MUC5AC: variants seen among roughly 807,000 people sequenced by gnomAD.
MUC5AC encodes the protein mucin 5AC, oligomeric mucus/gel-forming, also known as mucin-5AC.
In MUC5AC, 158 loss-of-function variants were observed where a neutral mutation model predicts 169.7. The ratio of observed to expected loss-of-function variants is 0.93; its 90% CI spans 0.82 to 1.06. The LOEUF is 1.06. MUC5AC is among the 50% of genes least tolerant of loss of function. The pLI is 0.00. For synonymous variants in MUC5AC, 1,975 were observed against 1,237.0 expected, an observed-to-expected ratio of 1.60 and a Z score of -12.52; for missense variants, 4,359 against 3,089.9, an observed-to-expected ratio of 1.41 and a Z score of -9.74.
At chr11:1,168,818 C>G (rs1429733279) in intron 14 of MUC5AC, 39 bp downstream of exon 14, 2 of 1,578,600 alleles carry the variant, frequency 1.3e-6, no homozygotes, top group South Asian at 1.1e-5. Flanking sequence ...CCCACCCACT[C>G]TGGCCAGGGC....
rs2133758247 is a variant in MUC5AC, at chr11:1,186,289, G to A, written c.8144G>A (p.Ser2715Asn). The A allele has an allele frequency of 4.1e-6, 3 of 733,272 alleles. No homozygotes were observed. Among genetic ancestry groups the A allele is most frequent in the South Asian group, 1.4e-5 (1 of 70,474 alleles). 45.4% of individuals were successfully genotyped at this position (733,272 alleles called of 1,614,324 possible). ...TTSTTSAPTT[S>N]TTSAPTTSTI... ...AGCACAACCTCTGCTCCCACAACAA[G>A]CACAACCTCTGCCCCTACAACCAGC... is the stretch of plus-strand genomic sequence containing the variant. Residue 2715 changes from serine (S) to asparagine (N), a missense_variant, in exon 31 of 49, where the codon AGC becomes AAC. Transcript: ENST00000621226.
At chr11:1,178,778 G>A in intron 25 of MUC5AC, 95 bp downstream of exon 25, 1 of 632,202 alleles carries the variant, frequency 1.6e-6, no homozygotes, top group Non-Finnish European at 2.3e-6. Context: ...CTGGGAGACA[G>A]CTGCCAACCA....
chr11:1,195,003 T>C lies in MUC5AC; in HGVS notation c.15191-9T>C, dbSNP rs1407460934. 1 of 725,256 alleles carries C rather than the reference T, an allele frequency of 1.4e-6. No individual in the cohort carries two copies. Among genetic ancestry groups the C allele is most frequent in the Admixed American group, 1.8e-5 (1 of 54,240 alleles). 44.9% of individuals were successfully genotyped at this position (725,256 alleles called of 1,614,324 possible). A position where few individuals can be genotyped will look rare whatever the true frequency, so the allele number is the denominator to read the frequency against. ...GTCCAGCAGCCTGACCCCCACCGCGTCTGCCCAGGCACTTGCACCAACGAC... is the reference window on the plus strand; with the variant it reads ...GTCCAGCAGCCTGACCCCCACCGCGCCTGCCCAGGCACTTGCACCAACGAC... On this transcript the variant is annotated splice_polypyrimidine_tract_variant and intron_variant, in intron 35 of 48. Coordinates refer to ENST00000621226, the MANE Select transcript of MUC5AC (RefSeq NM_001304359.2).
rs558086915 is a variant in MUC5AC, at chr11:1,158,112, G to A, written c.73+40G>A. On this transcript the variant is annotated intron_variant, in intron 1 of 48. Transcript: ENST00000621226. Reference sequence around the variant, plus strand: ...CTGGCCGCTCTACTGGTCCTGGGTGGTGCGGTACTGAGTGGGCCTCAGGCA... The same window carrying A: ...CTGGCCGCTCTACTGGTCCTGGGTGATGCGGTACTGAGTGGGCCTCAGGCA... The A allele has an allele frequency of 2.6e-6, 4 of 1,545,046 alleles. No individual in the cohort carries two copies. In the Admixed American group the frequency reaches 5.6e-5, roughly 21 times the overall value.
rs909027623 is a variant in MUC5AC, at chr11:1,200,738, C to A, written c.*36C>A. 1 of 693,436 alleles carries A rather than the reference C, an allele frequency of 1.4e-6. No individual in the cohort carries two copies. Among genetic ancestry groups the A allele is most frequent in the African/African-American group, 1.7e-5 (1 of 57,502 alleles). The allele number at this position is 693,436 out of a possible 1,614,324, so 43.0% of individuals were successfully genotyped here. On this transcript the variant is annotated 3_prime_UTR_variant, in exon 49 of 49. Coordinates refer to ENST00000621226, the MANE Select transcript of MUC5AC (RefSeq NM_001304359.2). ...CGCCCTCCTGACCTCCAAGGAGAAC[C>A]TCCCATATGTCCTCTGAGCTCGGCT... is the stretch of plus-strand genomic sequence containing the variant.
chr11:1,186,008 C>A lies in MUC5AC; in HGVS notation c.7863C>A (p.Thr2621=). ...STNSAPISST[T]SATTTSRISG... ...ACTCTGCCCCTATAAGCAGCACAAC[C>A]TCTGCCACTACAACCAGCAGAATCT... Residue 2621 remains threonine, a synonymous_variant, in exon 31 of 49, where the codon ACC becomes ACA. Transcript: ENST00000621226. 1 of 728,206 alleles carries A rather than the reference C, an allele frequency of 1.4e-6. No homozygotes were observed. Among genetic ancestry groups the A allele is most frequent in the Middle Eastern group, 2.3e-4 (1 of 4,388 alleles). The allele number at this position is 728,206 out of a possible 1,614,324, so 45.1% of individuals were successfully genotyped here. A position where few individuals can be genotyped will look rare whatever the true frequency, so the allele number is the denominator to read the frequency against.
intron 45 of MUC5AC, 89 bp downstream of exon 45, chr11:1,199,274 A>G (rs1590155565): frequency 1.4e-5 from 10 of 699,640 alleles, no homozygotes; most frequent in Non-Finnish European, 2.6e-6. Flanking sequence ...TGCGTCTGGC[A>G]GAGGCTGGGG....
chr11:1,163,018 C>A lies in MUC5AC; in HGVS notation c.652C>A (p.Pro218Thr). 6.2e-7 allele frequency: 1 copy of A among 1,612,640 alleles called. No homozygotes were observed. Among genetic ancestry groups the A allele is most frequent in the Non-Finnish European group, 8.5e-7 (1 of 1,179,826 alleles). The change falls in exon 6 of 49, where the codon CCC becomes ACC. Residue 218 changes from proline (P) to threonine (T), a missense_variant. Transcript: ENST00000621226. The stretch of plus-strand genomic sequence containing the variant: ...GCTCTGTGGGGACTTCAACGGGATG[C>A]CCGTGGTCAGCGAGCTCCTCTCCCA... ...CGLCGDFNGM[P>T]VVSELLSHNT...
rs758430072 is a variant in MUC5AC, at chr11:1,198,969, C to T, written c.16269C>T (p.Thr5423=). The T allele has an allele frequency of 1.4e-5, 11 of 764,336 alleles. No individual in the cohort carries two copies. In the South Asian group the frequency reaches 1.5e-4, roughly 10 times the overall value. 47.3% of individuals were successfully genotyped at this position (764,336 alleles called of 1,614,324 possible). The change falls in exon 44 of 49, where the codon ACC becomes ACT. Residue 5423 remains threonine, a synonymous_variant. Coordinates refer to ENST00000621226, the MANE Select transcript of MUC5AC (RefSeq NM_001304359.2). ...PSDAFVVSCE[T]QICNTHCPVG... The stretch of plus-strand genomic sequence containing the variant: ...ACGCGTTTGTGGTCAGCTGTGAGAC[C>T]CAGATCTGCAACACACACTGCCCTG...
At chr11:1,200,215 G>A (rs1050767082) in intron 48 of MUC5AC, among the ~76,000 whole-genome samples, 3 of 152,236 alleles carry the variant, frequency 2.0e-5, no homozygotes, top group African/African-American at 4.8e-5. Context: ...TGCCGCAGCC[G>A]CCCCGAGTCT....
rs1472891778 is a variant in MUC5AC at position 1,199,491 on chromosome 11, G to A, written c.16515+1G>A. 5 of 708,996 alleles carry A rather than the reference G, an allele frequency of 7.1e-6. No homozygotes were observed. The highest frequency in any genetic ancestry group is 1.0e-5 in the Non-Finnish European group (4 of 388,712). 43.9% of individuals were successfully genotyped at this position (708,996 alleles called of 1,614,324 possible). A position where few individuals can be genotyped will look rare whatever the true frequency, so the allele number is the denominator to read the frequency against. ...GTGCCCCCCGCTCAGCTGTTCTCTGGTGAGGTCCAGGATCCCCGCTCCAGC... is the reference window on the plus strand; with the variant it reads ...GTGCCCCCCGCTCAGCTGTTCTCTGATGAGGTCCAGGATCCCCGCTCCAGC... On this transcript the variant is annotated splice_donor_variant, in intron 46 of 48. Coordinates refer to ENST00000621226, the MANE Select transcript of MUC5AC (RefSeq NM_001304359.2). LOFTEE classifies it high-confidence loss of function.
chr11:1,170,373 G>A (rs1179257653), intron 15 of MUC5AC, among the ~76,000 whole-genome samples: 12 of 70,826 alleles, frequency 1.7e-4, no homozygotes, highest in African/African-American at 4.6e-4. Flanking sequence ...CCTCACTCAC[G>A]CGCCCACTCA....
At chr11:1,175,829 A>C (rs1860666942) in intron 19 of MUC5AC, among the ~76,000 whole-genome samples, 1 of 816 alleles carries the variant, frequency 1.2e-3, no homozygotes, top group East Asian at 0.026. Flanking sequence ...ACACCCACTC[A>C]TGCACACGCA....
At position 1,191,775 on chromosome 11, in the gene MUC5AC, T is replaced by A. The variant is rs75897537; in HGVS notation, c.13630T>A (p.Ser4544Thr). 8.9e-5 allele frequency: 62 copies of A among 697,320 alleles called. 2 individuals carry two copies. In the African/African-American group the frequency reaches 1.1e-3, roughly 12 times the overall value. 43.2% of individuals were successfully genotyped at this position (697,320 alleles called of 1,614,324 possible). The change falls in exon 31 of 49, where the codon TCT (serine) becomes ACT (threonine). Residue 4544 changes from serine (S) to threonine (T), a missense_variant. Transcript: ENST00000621226. ...CAGCACAACCTCTGGTCCTGGAACT[T>A]CTCTCAGCCCTGTTCCCACCACGAG... ...TASTTSGPGT[S>T]LSPVPTTSTT...
At position 1,169,443 on chromosome 11, in the gene MUC5AC, CCACT is replaced by C. The variant is rs1430842366; in HGVS notation, c.1870+429_1870+432del. 3.4e-5 allele frequency among the ~76,000 whole-genome samples: 4 copies of C among 115,982 alleles called. 1 individual carries two copies. The highest frequency in any genetic ancestry group is 1.1e-4 in the African/African-American group (3 of 26,882). The allele number at this position is 115,982 out of a possible 152,430, so 76.1% of individuals were successfully genotyped here. A position where few individuals can be genotyped will look rare whatever the true frequency, so the allele number is the denominator to read the frequency against. ...TCGCCCACTCACCTCACTCACTCAC[CCACT>C]CACTCACTCACCTCACTCACTCACC... is the stretch of plus-strand genomic sequence containing the variant. On this transcript the variant is annotated intron_variant, in intron 15 of 48. Coordinates refer to ENST00000621226, the MANE Select transcript of MUC5AC (RefSeq NM_001304359.2).
chr11:1,196,036 C>G lies in MUC5AC; in HGVS notation c.15619C>G (p.Arg5207Gly). 1.3e-6 allele frequency: 1 copy of G among 764,570 alleles called. No homozygotes were observed. The highest frequency in any genetic ancestry group is 1.3e-5 in the South Asian group (1 of 74,570). 47.4% of individuals were successfully genotyped at this position (764,570 alleles called of 1,614,324 possible). A position where few individuals can be genotyped will look rare whatever the true frequency, so the allele number is the denominator to read the frequency against. ...CGACATCTGCATCGATTGGAGAGGC[C>G]GGACCGGCCACATGTGCCGTGAGTG... ...SHDICIDWRG[R>G]TGHMCPFTCP... Residue 5207 changes from arginine (R) to glycine (G), a missense_variant, in exon 37 of 49, where the codon CGG (arginine) becomes GGG (glycine). Physicochemically the swap from Arg to Gly is moderately radical, Grantham distance 125. Coordinates refer to ENST00000621226, the MANE Select transcript of MUC5AC (RefSeq NM_001304359.2).
In MUC5AC at chr11:1,189,546, T is replaced by C; in HGVS notation, c.11401T>C (p.Ser3801Pro). The change falls in exon 31 of 49, where the codon TCC (serine) becomes CCC (proline). Residue 3801 changes from serine to proline, a missense_variant. Physicochemically the swap from Ser to Pro is moderately conservative, Grantham distance 74. Coordinates refer to ENST00000621226, the MANE Select transcript of MUC5AC (RefSeq NM_001304359.2). ...CTCTGCCCCTACAACCAGCACAACC[T>C]CCACTCCACAGACCAGCACAATCTC... ...TISAPTTSTT[S>P]TPQTSTISSP... 1.7e-6 allele frequency: 1 copy of C among 596,180 alleles called. No homozygotes were observed. The highest frequency in any genetic ancestry group is 3.0e-6 in the Non-Finnish European group (1 of 334,734). The allele number at this position is 596,180 out of a possible 1,614,324, so 36.9% of individuals were successfully genotyped here.
chr11:1,194,882 G>A (rs1861221206), intron 35 of MUC5AC, 130 bp from the exon 36 acceptor site: 2 of 620,632 alleles, frequency 3.2e-6, no homozygotes, highest in East Asian at 2.7e-5. Flanking sequence ...GGGGGACAGT[G>A]AGGCACAGGC....
Position 1,182,934 on chromosome 11 carries a change from A to G in MUC5AC, c.4789A>G (p.Ile1597Val), listed in dbSNP as rs1402742358. The G allele has an allele frequency of 2.5e-6, 1 of 398,488 alleles. No individual in the cohort carries two copies. Among genetic ancestry groups the G allele is most frequent in the African/African-American group, 2.1e-5 (1 of 48,548 alleles). The allele number at this position is 398,488 out of a possible 1,614,324, so 24.7% of individuals were successfully genotyped here. The change falls in exon 31 of 49, where the codon ATA (isoleucine) becomes GTA (valine). Residue 1597 changes from isoleucine (I) to valine (V), a missense_variant. Coordinates refer to ENST00000621226, the MANE Select transcript of MUC5AC (RefSeq NM_001304359.2). ...WIDGSYPAPG[I>V]NGGDFDTFQN... ...CGATGGCAGCTACCCTGCTCCTGGA[A>G]TAAATGGTGGAGATTTTGACACATT...
Sources: gnomAD v4.1 joint callset for allele counts (sites outside exome capture counted in the v4.1 genomes callset) on GRCh38, gnomAD v4.1.1 for gene constraint, MANE v1.5 for transcripts, NCBI Gene and HGNC (gene_info 2026-07-23, HGNC 2026-07-21) for gene names.